The following ACAP2 variants were observed in gnomAD, a reference collection of about 807,000 sequenced individuals.
ACAP2 encodes arf-GAP with coiled-coil, ANK repeat and PH domain-containing protein 2.
Under a neutral mutation model 115.8 loss-of-function variants are expected in ACAP2, and 39 were observed. The observed-to-expected ratio is 0.34, with a 90% CI of 0.26 to 0.44. The LOEUF is 0.44. ACAP2 is among the 20% of genes least tolerant of loss of function. The pLI, the probability that ACAP2 is intolerant of heterozygous loss-of-function variation, is 1.00. For synonymous variants in ACAP2, 289 were observed against 315.8 expected (o/e 0.92, Z 0.90); for missense variants, 662 against 927.6 (o/e 0.71, Z 3.72).
chr3:195,348,966 C>T (rs1324290348), intron 4 of ACAP2, among the ~76,000 whole-genome samples: 1 of 152,044 alleles, frequency 6.6e-6, no homozygotes, highest in Non-Finnish European at 1.5e-5. Flanking sequence ...GCAATGCAAT[C>T]ATACAAGAAA....
chr3:195,405,664 C>T (rs905129781), intron 1 of ACAP2, among the ~76,000 whole-genome samples: 1 of 149,316 alleles, frequency 6.7e-6, no homozygotes, highest in East Asian at 2.0e-4. Context: ...CCAGCCTAGG[C>T]AACAGAGTGA....
rs1726142359 is a variant in ACAP2, at chr3:195,274,967, A to G, written c.*4361T>C. ...GTTGGTTATACATTCTTTAAAATAT[A>G]CCTTTTCACAGGTAGCAAGAAATAG... On this transcript the variant is annotated 3_prime_UTR_variant, in exon 23 of 23. Transcript: ENST00000326793. 6.5e-6 allele frequency: 1 copy of G among 152,694 alleles called. No individual in the cohort carries two copies. The allele number at this position is 152,694 out of a possible 1,614,324, so 9.5% of individuals were successfully genotyped here.
Position 195,298,457 on chromosome 3 carries a change from T to C in ACAP2, c.1396-1176A>G, listed in dbSNP as rs180902164. 9.1e-4 allele frequency among the ~76,000 whole-genome samples: 139 copies of C among 152,138 alleles called. 1 individual carries two copies. Among genetic ancestry groups the C allele is most frequent in the South Asian group, 4.6e-3 (22 of 4,816 alleles). On this transcript the variant is annotated intron_variant, in intron 15 of 22. Coordinates refer to ENST00000326793, the MANE Select transcript of ACAP2 (RefSeq NM_012287.6). ...TTGTAGTAGAGACAGGGTTTCACTA[T>C]GTTGGCCAGGCTGGTCTCAAACACC...
At chr3:195,412,537 G>A (rs531940686) in intron 1 of ACAP2, among the ~76,000 whole-genome samples, 12 of 152,150 alleles carry the variant, frequency 7.9e-5, no homozygotes, top group South Asian at 6.2e-4. Context: ...GCTTGAACCC[G>A]GGAGGCGGAG....
At chr3:195,289,803 CA>C (rs35498756) in intron 20 of ACAP2, among the ~76,000 whole-genome samples, 26,459 of 111,562 alleles carry the variant, frequency 0.24, 2,642 homozygotes, top group East Asian at 0.67. Flanking sequence ...GACTCCGTCT[CA>C]AAAAAAAAAA....
intron 4 of ACAP2, chr3:195,356,150 T>C: frequency 2.2e-6 from 1 of 456,702 alleles, no homozygotes; most frequent in Non-Finnish European, 4.4e-6. Context: ...CATGCGCTCG[T>C]AGCAACCACA....
rs144142765 is a variant in ACAP2 at position 195,393,701 on chromosome 3, C to A, written c.54-1554G>T. ...TCATCATTTAAACTTAATTTACACA[C>A]GAGAACAAATGTATGTGTATGAGGA... is the stretch of plus-strand genomic sequence containing the variant. On this transcript the variant is annotated intron_variant, in intron 1 of 22. Transcript: ENST00000326793. 1.5e-3 allele frequency among the ~76,000 whole-genome samples: 233 copies of A among 152,250 alleles called. 2 individuals carry two copies. The highest frequency in any genetic ancestry group is 5.3e-3 in the African/African-American group (219 of 41,558).
Position 195,425,026 on chromosome 3 carries a change from C to CAAAAAAAAAA in ACAP2, c.53+17759_53+17768dup, listed in dbSNP as rs10690317. Among the ~76,000 whole-genome samples the CAAAAAAAAAA allele has an allele frequency of 2.9e-3, 76 of 26,648 alleles. 14 individuals are homozygous for CAAAAAAAAAA. Among genetic ancestry groups the CAAAAAAAAAA allele is most frequent in the East Asian group, 6.7e-3 (7 of 1,042 alleles). 17.5% of individuals were successfully genotyped at this position (26,648 alleles called of 152,430 possible). ...TGGGCGACAGAGCGAGACTCCGTCT[C>CAAAAAAAAAA]AAAAAAAAAAAAAAAAAAAAAAAAA... On this transcript the variant is annotated intron_variant, in intron 1 of 22. Coordinates refer to ENST00000326793, the MANE Select transcript of ACAP2 (RefSeq NM_012287.6).
chr3:195,364,116 G>A (rs1732553047), intron 4 of ACAP2, among the ~76,000 whole-genome samples: 1 of 152,092 alleles, frequency 6.6e-6, no homozygotes, highest in African/African-American at 2.4e-5. Flanking sequence ...ATCACATCAA[G>A]TTAAAAACCT....
At chr3:195,309,810 G>A (rs113263168) in intron 10 of ACAP2, among the ~76,000 whole-genome samples, 2 of 152,104 alleles carry the variant, frequency 1.3e-5, no homozygotes, top group East Asian at 3.9e-4. Flanking sequence ...GCTCATTACT[G>A]TAAATTATTA....
At chr3:195,347,396 A>C (rs1410887561) in intron 4 of ACAP2, among the ~76,000 whole-genome samples, 2 of 152,170 alleles carry the variant, frequency 1.3e-5, no homozygotes, top group Admixed American at 1.3e-4. Flanking sequence ...AGGGAACAAT[A>C]CCGATCTCAA....
chr3:195,390,295 C>T (rs1343452068), intron 2 of ACAP2, among the ~76,000 whole-genome samples: 1 of 152,172 alleles, frequency 6.6e-6, no homozygotes, highest in Admixed American at 6.5e-5. Flanking sequence ...GTATCCTCAG[C>T]TATAAAACGG....
chr3:195,346,928 G>A (rs1269361109), intron 4 of ACAP2, among the ~76,000 whole-genome samples: 2 of 152,114 alleles, frequency 1.3e-5, no homozygotes, highest in South Asian at 2.1e-4. Context: ...CAAGACTGAG[G>A]GGATGAAAAA....
At chr3:195,298,910 C>T (rs1282537921) in intron 15 of ACAP2, among the ~76,000 whole-genome samples, 2 of 152,290 alleles carry the variant, frequency 1.3e-5, no homozygotes, top group East Asian at 1.9e-4. Context: ...GGATTATAGG[C>T]GTCAGCCACT....
intron 1 of ACAP2, chr3:195,442,230 G>A (rs1716056113): frequency 6.5e-6 from 1 of 153,010 alleles, no homozygotes; most frequent in South Asian, 2.0e-4. Context: ...GCGCCCTCCG[G>A]AGAGTCGCTC....
At chr3:195,347,752 A>G (rs1731277680) in intron 4 of ACAP2, among the ~76,000 whole-genome samples, 1 of 152,240 alleles carries the variant, frequency 6.6e-6, no homozygotes, top group Admixed American at 6.5e-5. Context: ...TTATCCCTAT[A>G]ATCCCATTAC....
rs1407904902 is a variant in ACAP2 at position 195,442,897 on chromosome 3, A to C, written c.-50T>G. 4.1e-6 allele frequency: 6 copies of C among 1,478,384 alleles called. No homozygotes were observed. The highest frequency in any genetic ancestry group is 4.9e-5 in the Admixed American group (2 of 40,506). 91.6% of individuals were successfully genotyped at this position (1,478,384 alleles called of 1,614,324 possible). A position where few individuals can be genotyped will look rare whatever the true frequency, so the allele number is the denominator to read the frequency against. On this transcript the variant is annotated 5_prime_UTR_variant, in exon 1 of 23. Transcript: ENST00000326793. Reference sequence around the variant, plus strand: ...CTGGCAAAGCCGAGGGGGCCGCGGGAGCGGCCGCGCTGGGACGCAGACGGC... The same window carrying C: ...CTGGCAAAGCCGAGGGGGCCGCGGGCGCGGCCGCGCTGGGACGCAGACGGC...
intron 22 of ACAP2, among the ~76,000 whole-genome samples, chr3:195,284,025 T>C (rs1181829508): frequency 2.0e-5 from 3 of 152,070 alleles, no homozygotes; most frequent in Non-Finnish European, 4.4e-5. Context: ...ACCCAAACAA[T>C]TTGGGTGGAA....
At position 195,388,684 on chromosome 3, in the gene ACAP2, T is replaced by C. The variant is rs1734456674; in HGVS notation, c.111+3406A>G. On this transcript the variant is annotated intron_variant, in intron 2 of 22. Coordinates refer to ENST00000326793, the MANE Select transcript of ACAP2 (RefSeq NM_012287.6). The stretch of plus-strand genomic sequence containing the variant: ...TCCTCCTCTCAGCCTCTCTTCTCTA[T>C]GCTAACTCCCCATAGTTTCTAAAAT... Among the ~76,000 whole-genome samples, 3 of 152,332 alleles carry C rather than the reference T, an allele frequency of 2.0e-5. No individual in the cohort carries two copies. In the South Asian group the frequency reaches 6.2e-4, roughly 32 times the overall value.
Sources: allele counts gnomAD v4.1 joint callset (sites outside exome capture counted in the v4.1 genomes callset), GRCh38; gene constraint gnomAD v4.1.1; transcripts MANE v1.5; gene names NCBI Gene and HGNC (gene_info 2026-07-23, HGNC 2026-07-21).